CACNA1C: variants seen among roughly 807,000 people sequenced by gnomAD.
CACNA1C encodes the protein calcium voltage-gated channel subunit alpha1 C, also known as voltage-dependent L-type calcium channel subunit alpha-1C.
CACNA1C carries 30 observed loss-of-function variants against 229.0 expected under a neutral mutation model. That is an observed-to-expected ratio of 0.13 (90% CI 0.10 to 0.18). The LOEUF (loss-of-function observed/expected upper bound fraction) is 0.18. CACNA1C is among the 10% of genes least tolerant of loss of function. CACNA1C has a pLI of 1.00. For synonymous variants in CACNA1C, 1,114 were observed against 1,132.5 expected (o/e 0.98, Z 0.33); for missense variants, 1,658 against 2,845.0 (o/e 0.58, Z 9.49).
At chr12:2,198,173 G>A (rs558803178) in intron 3 of CACNA1C, among the ~76,000 whole-genome samples, 1 of 152,278 alleles carries the variant, frequency 6.6e-6, no homozygotes, top group African/African-American at 2.4e-5. Context: ...CCACAGCAAA[G>A]GGCATCCTCA....
chr12:2,131,564 C>T, intron 3 of CACNA1C, among the ~76,000 whole-genome samples: 2 of 115,038 alleles, frequency 1.7e-5, no homozygotes, highest in African/African-American at 3.6e-5. Flanking sequence ...AATAGGGAAT[C>T]CTTTCCCCAT....
chr12:2,408,609 T>G (rs527586954), intron 3 of CACNA1C, among the ~76,000 whole-genome samples: 2 of 152,156 alleles, frequency 1.3e-5, no homozygotes, highest in East Asian at 3.9e-4. Flanking sequence ...ACTGCTTCTC[T>G]CCTCTTTTAG....
At chr12:2,494,676 GAAGA>G (rs766299036) in intron 7 of CACNA1C, among the ~76,000 whole-genome samples, 9 of 152,238 alleles carry the variant, frequency 5.9e-5, no homozygotes, top group Non-Finnish European at 7.3e-5. Context: ...GAATCGGAAG[GAAGA>G]GTTTTGTAAC....
At chr12:2,426,797 G>A (rs2099036619) in intron 3 of CACNA1C, among the ~76,000 whole-genome samples, 1 of 152,152 alleles carries the variant, frequency 6.6e-6, no homozygotes, top group Non-Finnish European at 1.5e-5. Flanking sequence ...TGGGATGGCT[G>A]GGATGTCCTC....
At chr12:2,561,150 C>T (rs1215323747) in intron 11 of CACNA1C, among the ~76,000 whole-genome samples, 7 of 152,158 alleles carry the variant, frequency 4.6e-5, no homozygotes, top group Non-Finnish European at 1.0e-4. Flanking sequence ...GTGCTGAGTC[C>T]CATGGGTCTG....
intron 3 of CACNA1C, among the ~76,000 whole-genome samples, chr12:2,406,534 A>G (rs1595441873): frequency 6.6e-6 from 1 of 152,160 alleles, no homozygotes; most frequent in East Asian, 1.9e-4. Flanking sequence ...TCTATAATCT[A>G]CTATTGAGCC....
At position 2,053,454 on chromosome 12, in the gene CACNA1C, C is replaced by T. The variant is rs1027336919; in HGVS notation, c.-109C>T. The T allele has an allele frequency of 4.9e-5, 73 of 1,476,802 alleles. No homozygotes were observed. The highest frequency in any genetic ancestry group is 8.9e-5 in the Admixed American group (4 of 44,738). The allele number at this position is 1,476,802 out of a possible 1,614,324, so 91.5% of individuals were successfully genotyped here. A position where few individuals can be genotyped will look rare whatever the true frequency, so the allele number is the denominator to read the frequency against. On this transcript the variant is annotated 5_prime_UTR_variant, in exon 1 of 47. Coordinates refer to ENST00000399655, the MANE Select transcript of CACNA1C (RefSeq NM_000719.7). The surrounding 1 kb of genome is among the most constrained non-coding windows in gnomAD (Gnocchi z 5.8). ...CAGACCACGGCTTCCTCGAATCTTG[C>T]GCGAAAGCCGCCGGCCTCGGAGGAG...
intron 3 of CACNA1C, among the ~76,000 whole-genome samples, chr12:2,191,291 AC>A (rs2154297485): frequency 6.6e-6 from 1 of 152,224 alleles, no homozygotes; most frequent in Admixed American, 6.5e-5. Context: ...GCGCCGGCCC[AC>A]ACTCACCAGC....
At chr12:2,060,059 A>G (rs2056871736) in intron 1 of CACNA1C, among the ~76,000 whole-genome samples, 1 of 152,268 alleles carries the variant, frequency 6.6e-6, no homozygotes, top group Non-Finnish European at 1.5e-5. Context: ...TACAGAGTAG[A>G]AGTTCATACA....
chr12:2,468,519 C>T (rs185922508), intron 5 of CACNA1C, among the ~76,000 whole-genome samples: 4 of 152,300 alleles, frequency 2.6e-5, no homozygotes, highest in East Asian at 3.9e-4. Flanking sequence ...GTTTTCCAGT[C>T]GGGATAACTC....
rs1164648286 is a variant in CACNA1C, at chr12:2,089,997, C to A, written c.50-25227C>A. On this transcript the variant is annotated intron_variant, in intron 1 of 46. Coordinates refer to ENST00000399655, the MANE Select transcript of CACNA1C (RefSeq NM_000719.7). ...TGAGCTGCGATCATGCCATTGCACT[C>A]CAGCCTGGGTGACAGTGTGAGACTC... 2.0e-5 allele frequency among the ~76,000 whole-genome samples: 3 copies of A among 152,072 alleles called. No individual in the cohort carries two copies. The East Asian group carries it at 5.8e-4, about 29-fold the overall frequency.
chr12:2,596,633 A>C (rs535660190), intron 20 of CACNA1C, among the ~76,000 whole-genome samples: 25 of 152,308 alleles, frequency 1.6e-4, no homozygotes, highest in African/African-American at 6.0e-4. Context: ...TACCGAGGTT[A>C]GCAGGTGTTG....
In CACNA1C at chr12:2,605,323, G is replaced by T. The variant is rs535282182; in HGVS notation, c.3048+155G>T. The stretch of plus-strand genomic sequence containing the variant: ...TGGTCCCACTGCATGTCCCGGTTCC[G>T]TAATGAACAGAATAGTAACAGAGGC... On this transcript the variant is annotated intron_variant, in intron 23 of 46. Coordinates refer to ENST00000399655, the MANE Select transcript of CACNA1C (RefSeq NM_000719.7). This position sits in a 1 kb window ranked among gnomAD's most constrained non-coding sequence, Gnocchi z 6.2. Among the ~76,000 whole-genome samples the T allele has an allele frequency of 6.6e-6, 1 of 152,166 alleles. No homozygotes were observed. The highest frequency in any genetic ancestry group is 2.4e-5 in the African/African-American group (1 of 41,428).
intron 18 of CACNA1C, among the ~76,000 whole-genome samples, chr12:2,591,932 C>T (rs2153317187): frequency 6.6e-6 from 1 of 152,310 alleles, no homozygotes; most frequent in East Asian, 1.9e-4. Context: ...TGGCCTTCTT[C>T]CCTAAGTGTG....
intron 37 of CACNA1C, among the ~76,000 whole-genome samples, chr12:2,667,528 AAAAC>A (rs745336945): frequency 1.3e-4 from 20 of 152,324 alleles, no homozygotes; most frequent in Non-Finnish European, 2.2e-4. Flanking sequence ...CTTTGCTCCA[AAAAC>A]AAACAAACAA....
At chr12:1,986,245 T>C (rs944934371) in intron 1 of CACNA1C, among the ~76,000 whole-genome samples, 2 of 152,216 alleles carry the variant, frequency 1.3e-5, no homozygotes, top group Non-Finnish European at 2.9e-5. Context: ...TGTATGTAGC[T>C]CACAGGTGGA....
chr12:2,067,130 T>TG lies in CACNA1C; in HGVS notation c.49+13524dup, dbSNP rs1226177944. On this transcript the variant is annotated intron_variant, in intron 1 of 46. Transcript: ENST00000399655. This position sits in a 1 kb window ranked among gnomAD's most constrained non-coding sequence, Gnocchi z 5.3. Reference sequence around the variant, plus strand: ...AAGTGAGACAGCTGCTGACTAGGTCTGGGGGCAAAGGGTTCTAGCTCTGTA... The same window carrying TG: ...AAGTGAGACAGCTGCTGACTAGGTCTGGGGGGCAAAGGGTTCTAGCTCTGTA... Among the ~76,000 whole-genome samples, 1 of 152,068 alleles carries TG rather than the reference T, an allele frequency of 6.6e-6. No individual in the cohort carries two copies.
At chr12:2,310,298 A>G (rs895897289) in intron 3 of CACNA1C, among the ~76,000 whole-genome samples, 40 of 151,766 alleles carry the variant, frequency 2.6e-4, no homozygotes, top group African/African-American at 9.7e-4. Context: ...TTCCCTCAAC[A>G]GGAAAGATGG....
At chr12:2,201,882 C>T (rs2097585874) in intron 3 of CACNA1C, among the ~76,000 whole-genome samples, 1 of 152,140 alleles carries the variant, frequency 6.6e-6, no homozygotes, top group Admixed American at 6.5e-5. Flanking sequence ...TGATGTGCCT[C>T]CATTGCTTGG....
Sources: gnomAD v4.1 joint callset for allele counts (sites outside exome capture counted in the v4.1 genomes callset) on GRCh38, gnomAD v4.1.1 for gene constraint, Gnocchi (gnomAD v3.1) non-coding constraint, MANE v1.5 for transcripts, NCBI Gene and HGNC (gene_info 2026-07-23, HGNC 2026-07-21) for gene names.